HAVCR2: variants seen among roughly 807,000 people sequenced by gnomAD.
HAVCR2 encodes the protein hepatitis A virus cellular receptor 2.
In HAVCR2, 13 loss-of-function variants were observed where a neutral mutation model predicts 24.7. The observed-to-expected ratio is 0.53, with a 90% CI of 0.34 to 0.84. The LOEUF is 0.84. Among genes scored for constraint, HAVCR2 ranks in the 40% least tolerant of loss-of-function variants. The probability of loss-of-function intolerance (pLI) is 0.01; values close to 1 mark genes in which losing one functional copy is unlikely to be tolerated. For synonymous variants in HAVCR2, 154 were observed against 143.4 expected (o/e 1.07, Z -0.53); for missense variants, 343 against 371.2 (o/e 0.92, Z 0.62).
intron 2 of HAVCR2, 49 bp from the exon 3 acceptor site, chr5:157,104,798 C>T (rs1757222280): frequency 7.4e-7 from 1 of 1,347,724 alleles, no homozygotes; most frequent in South Asian, 1.3e-5. Flanking sequence ...GAGCAGAAAG[C>T]TTATTTCAGG....
chr5:157,091,060 T>C (rs996086931), intron 5 of HAVCR2, among the ~76,000 whole-genome samples: 8 of 152,136 alleles, frequency 5.3e-5, no homozygotes, highest in African/African-American at 1.9e-4. Flanking sequence ...TGAAAAGCAA[T>C]GGATCAAAGA....
At chr5:157,090,298 T>G (rs1756979681) in intron 5 of HAVCR2, among the ~76,000 whole-genome samples, 1 of 151,812 alleles carries the variant, frequency 6.6e-6, no homozygotes, top group Non-Finnish European at 1.5e-5. Context: ...CTGGATAATT[T>G]TTTTTAATGT....
Position 157,106,672 on chromosome 5 carries a change from T to C in HAVCR2, c.349A>G (p.Ile117Val), listed in dbSNP as rs773895230. 1 of 1,614,252 alleles carries C rather than the reference T, an allele frequency of 6.2e-7. No homozygotes were observed. Among genetic ancestry groups the C allele is most frequent in the East Asian group, 2.2e-5 (1 of 44,886 alleles). Reference sequence around the variant, plus strand: ...AGGTTAAATTTTTCATCATTCATTATGCCTGGGATTTGGATCCGGCAGCAG... The same window carrying C: ...AGGTTAAATTTTTCATCATTCATTACGCCTGGGATTTGGATCCGGCAGCAG... ...IYCCRIQIPGIMNDEKFNLKL... is the reference protein window; with the variant it reads ...IYCCRIQIPGVMNDEKFNLKL... Residue 117 changes from isoleucine (I) to valine (V), a missense_variant, in exon 2 of 7, where the codon ATA becomes GTA. Transcript: ENST00000307851.
rs79415310 is a variant in HAVCR2 at position 157,107,988 on chromosome 5, T to C, written c.58+938A>G. 3.9e-3 allele frequency among the ~76,000 whole-genome samples: 586 copies of C among 151,918 alleles called. 4 individuals are homozygous for C. The highest frequency in any genetic ancestry group is 0.013 in the African/African-American group (548 of 41,416). ...CTGTCTCTCAGGTGCCTCCTTAACT[T>C]TGGCAAACAAATCTCCTAAAATGAT... is the stretch of plus-strand genomic sequence containing the variant. On this transcript the variant is annotated intron_variant, in intron 1 of 6. Coordinates refer to ENST00000307851, the MANE Select transcript of HAVCR2 (RefSeq NM_032782.5).
chr5:157,104,531 A>G, intron 3 of HAVCR2, 135 bp downstream of exon 3: 1 of 572,822 alleles, frequency 1.7e-6, no homozygotes, highest in Non-Finnish European at 3.1e-6. Context: ...CCCTCTTTTC[A>G]AACACTATTT....
At chr5:157,104,973 T>A (rs1240989231) in intron 2 of HAVCR2, 2 of 283,822 alleles carry the variant, frequency 7.0e-6, no homozygotes, top group African/African-American at 4.4e-5. Context: ...TGATTATTAA[T>A]AGCGGAACTA....
At chr5:157,093,659 G>A (rs1757045455) in intron 5 of HAVCR2, among the ~76,000 whole-genome samples, 1 of 152,150 alleles carries the variant, frequency 6.6e-6, no homozygotes. Context: ...ATAAAAGTGT[G>A]TGAGTGGCCA....
Position 157,090,729 on chromosome 5 carries a change from G to A in HAVCR2, c.677-1752C>T, listed in dbSNP as rs545622884. 8.5e-5 allele frequency among the ~76,000 whole-genome samples: 13 copies of A among 152,344 alleles called. No homozygotes were observed. In the South Asian group the frequency reaches 2.7e-3, roughly 32 times the overall value. ...GGATTCGAAGGAGGAATAAAGAAAT[G>A]AGAAGATAAATTAAGTAGAAATAAT... On this transcript the variant is annotated intron_variant, in intron 5 of 6. Transcript: ENST00000307851.
chr5:157,097,946 G>A (rs1311495711), intron 4 of HAVCR2, among the ~76,000 whole-genome samples: 5 of 151,862 alleles, frequency 3.3e-5, no homozygotes, highest in Non-Finnish European at 7.4e-5. Context: ...TAAAATTGAG[G>A]TTTATTAAGG....
At chr5:157,088,033 T>G (rs1167981016) in intron 6 of HAVCR2, among the ~76,000 whole-genome samples, 1 of 152,210 alleles carries the variant, frequency 6.6e-6, no homozygotes, top group Non-Finnish European at 1.5e-5. Flanking sequence ...TCATGGCTCA[T>G]TGCAGCCTTC....
rs763738425 is a variant in HAVCR2, at chr5:157,087,191, C to T, written c.817G>A (p.Glu273Lys). Reference sequence around the variant, plus strand: ...TAATACTCATTGGGCTCCTCCACTTCATATACGTTCTCTTCAATGGTATAG... The same window carrying T: ...TAATACTCATTGGGCTCCTCCACTTTATATACGTTCTCTTCAATGGTATAG... Reference protein sequence around the residue: ...NIYTIEENVYEVEEPNEYYCY... With the variant: ...NIYTIEENVYKVEEPNEYYCY... Residue 273 changes from glutamate (E) to lysine (K), a missense_variant, in exon 7 of 7, where the codon GAA (glutamate) becomes AAA (lysine). Glu to Lys is a moderately conservative substitution (Grantham distance 56). Transcript: ENST00000307851. 7 of 1,613,966 alleles carry T rather than the reference C, an allele frequency of 4.3e-6. No homozygotes were observed. In the East Asian group the frequency reaches 1.6e-4, roughly 36 times the overall value.
chr5:157,099,897 T>C (rs563076491), intron 3 of HAVCR2, among the ~76,000 whole-genome samples: 1 of 152,178 alleles, frequency 6.6e-6, no homozygotes, highest in African/African-American at 2.4e-5. Context: ...GGTTTCGCCA[T>C]GTTGGCCAGG....
chr5:157,107,792 T>C (rs917172268), intron 1 of HAVCR2, among the ~76,000 whole-genome samples: 1 of 152,106 alleles, frequency 6.6e-6, no homozygotes, highest in Non-Finnish European at 1.5e-5. Flanking sequence ...CGTTATCTGA[T>C]TGTTTCCCTA....
Position 157,109,035 on chromosome 5 carries a change from C to G in HAVCR2, c.-52G>C. On this transcript the variant is annotated 5_prime_UTR_variant, in exon 1 of 7. Coordinates refer to ENST00000307851, the MANE Select transcript of HAVCR2 (RefSeq NM_032782.5). ...ACACCTCTGTTAGGCACAGTTTTAA[C>G]TCTCCAAATGGACTGGGTACTTCTT... 2.0e-6 allele frequency: 3 copies of G among 1,536,842 alleles called. No homozygotes were observed. Among genetic ancestry groups the G allele is most frequent in the Non-Finnish European group, 2.7e-6 (3 of 1,110,974 alleles).
At chr5:157,108,896 G>C in intron 1 of HAVCR2, 30 bp downstream of exon 1, 1 of 1,607,218 alleles carries the variant, frequency 6.2e-7, no homozygotes, top group Non-Finnish European at 8.5e-7. Flanking sequence ...GCACCATTAT[G>C]TCATTGTAAA....
intron 1 of HAVCR2, among the ~76,000 whole-genome samples, chr5:157,107,603 G>T (rs1757271459): frequency 6.6e-6 from 1 of 152,076 alleles, no homozygotes; most frequent in South Asian, 2.1e-4. Flanking sequence ...GAAAAGTCAA[G>T]CTGGGAACTG....
intron 2 of HAVCR2, among the ~76,000 whole-genome samples, chr5:157,105,763 C>T (rs536442995): frequency 9.2e-5 from 14 of 152,340 alleles, no homozygotes; most frequent in African/African-American, 3.4e-4. Context: ...CAGCAGTTCA[C>T]CATGCTGGCT....
intron 5 of HAVCR2, among the ~76,000 whole-genome samples, chr5:157,091,310 C>T (rs1180940218): frequency 6.6e-6 from 1 of 152,038 alleles, no homozygotes; most frequent in Non-Finnish European, 1.5e-5. Context: ...CCAGGCATGG[C>T]GGCACATGCA....
rs763216712 is a variant in HAVCR2 at position 157,104,655 on chromosome 5, T to G, written c.478+11A>C. 6.3e-7 allele frequency: 1 copy of G among 1,577,486 alleles called. No individual in the cohort carries two copies. Among genetic ancestry groups the G allele is most frequent in the Non-Finnish European group, 8.7e-7 (1 of 1,153,216 alleles). On this transcript the variant is annotated intron_variant, in intron 3 of 6. Transcript: ENST00000307851. ...GCTAAAGATTCCCTCCTCTGCCCCA[T>G]GCATAGTTACCTGGGCCATGTCCCC...
Sources: allele counts gnomAD v4.1 joint callset (sites outside exome capture counted in the v4.1 genomes callset), GRCh38; gene constraint gnomAD v4.1.1; transcripts MANE v1.5; gene names NCBI Gene and HGNC (gene_info 2026-07-23, HGNC 2026-07-21).